Variants in THRAP3 observed in about 807,000 individuals in gnomAD.
The protein encoded by THRAP3 is thyroid hormone receptor-associated protein 3.
A neutral mutation model predicts 101.0 loss-of-function variants in THRAP3; 16 were observed. That is an observed-to-expected ratio of 0.16 (90% CI 0.11 to 0.24). THRAP3 has a LOEUF of 0.24. Ranked by LOEUF, THRAP3 falls within the 10% of genes least tolerant of loss-of-function variation. The pLI is 1.00. For missense variants in THRAP3, 989 were observed against 1,202.7 expected (o/e 0.82, Z 2.63); for synonymous variants, 407 against 422.6 (o/e 0.96, Z 0.45).
intron 1 of THRAP3, among the ~76,000 whole-genome samples, chr1:36,231,838 C>CT (rs1347271432): frequency 6.6e-6 from 1 of 152,144 alleles, no homozygotes; most frequent in African/African-American, 2.4e-5. Context: ...GCTTGAAAGA[C>CT]TATCGGCTAT....
At chr1:36,265,879 TGTG>T (rs1645507378) in intron 2 of THRAP3, among the ~76,000 whole-genome samples, 1 of 151,942 alleles carries the variant, frequency 6.6e-6, no homozygotes, top group Non-Finnish European at 1.5e-5. Context: ...ATGGTCCAGA[TGTG>T]GTGGCTCACA....
chr1:36,303,407 C>T (rs1646054937), intron 11 of THRAP3, among the ~76,000 whole-genome samples: 1 of 151,970 alleles, frequency 6.6e-6, no homozygotes, highest in African/African-American at 2.4e-5. Context: ...GCTTTAAGCA[C>T]GTTTGCAGAG....
chr1:36,222,858 G>A (rs1187369962), upstream of THRAP3, among the ~76,000 whole-genome samples: 3 of 152,066 alleles, frequency 2.0e-5, no homozygotes, highest in Admixed American at 6.5e-5. Context: ...GTTCAGCCCC[G>A]TGGCTCACGC....
At chr1:36,208,206 G>C in the THRAP3 span, among the ~76,000 whole-genome samples, 1 of 151,526 alleles carries the variant, frequency 6.6e-6, no homozygotes, top group Non-Finnish European at 1.5e-5. Flanking sequence ...CCTCCCCCAC[G>C]CTCTCTGAGC....
At chr1:36,257,771 A>T (rs1463658850) in intron 1 of THRAP3, among the ~76,000 whole-genome samples, 1 of 152,180 alleles carries the variant, frequency 6.6e-6, no homozygotes, top group African/African-American at 2.4e-5. Flanking sequence ...ATAAAATGGG[A>T]GATTTATGTG....
At chr1:36,302,577 G>A (rs779418675) in intron 11 of THRAP3, among the ~76,000 whole-genome samples, 10 of 152,264 alleles carry the variant, frequency 6.6e-5, no homozygotes, top group Non-Finnish European at 1.5e-4. Flanking sequence ...TGCCACCTGA[G>A]AGAGTATTGC....
At chr1:36,281,997 C>T (rs896647205) in intron 2 of THRAP3, among the ~76,000 whole-genome samples, 3 of 151,982 alleles carry the variant, frequency 2.0e-5, no homozygotes, top group Non-Finnish European at 2.9e-5. Context: ...TGCTTGAACC[C>T]GGGAGGCGGA....
intron 6 of THRAP3, among the ~76,000 whole-genome samples, chr1:36,292,256 C>CTGTT (rs1645881325): frequency 1.8e-5 from 1 of 54,530 alleles, no homozygotes; most frequent in African/African-American, 5.6e-5. Flanking sequence ...TAATGTGTTT[C>CTGTT]TTTGTTTCTT....
chr1:36,297,232 C>T (rs1365946624), intron 9 of THRAP3, among the ~76,000 whole-genome samples: 1 of 152,090 alleles, frequency 6.6e-6, no homozygotes, highest in Non-Finnish European at 1.5e-5. Context: ...ACAGACAGTT[C>T]CAAGAGAGGT....
intron 2 of THRAP3, among the ~76,000 whole-genome samples, chr1:36,268,846 C>G (rs375048707): frequency 2.0e-5 from 3 of 152,080 alleles, no homozygotes. Context: ...CTGCCTCAGC[C>G]TCCCGAGTAG....
chr1:36,270,160 G>C (rs1357697019), intron 2 of THRAP3, among the ~76,000 whole-genome samples: 1 of 152,166 alleles, frequency 6.6e-6, no homozygotes, highest in Non-Finnish European at 1.5e-5. Context: ...AGGCTGAGGA[G>C]GGAGGACTCC....
chr1:36,216,745 C>T, the THRAP3 span, among the ~76,000 whole-genome samples: 35 of 152,146 alleles, frequency 2.3e-4, no homozygotes, highest in East Asian at 6.6e-3. Context: ...CGCCACTGCA[C>T]TCCAGTCTGT....
At chr1:36,208,512 C>T in the THRAP3 span, among the ~76,000 whole-genome samples, 4 of 152,110 alleles carry the variant, frequency 2.6e-5, no homozygotes, top group Non-Finnish European at 4.4e-5. Flanking sequence ...CCCTCTGCCC[C>T]CCGGTGTAAA....
chr1:36,230,379 A>G (rs1460747793), intron 1 of THRAP3, among the ~76,000 whole-genome samples: 2 of 151,894 alleles, frequency 1.3e-5, no homozygotes, highest in Non-Finnish European at 1.5e-5. Context: ...CGGCCTCCCA[A>G]AGTGCTAGGA....
intron 1 of THRAP3, chr1:36,225,176 G>T (rs534554058): frequency 6.6e-6 from 1 of 152,314 alleles, no homozygotes; most frequent in Admixed American, 6.5e-5. Context: ...AAATCTTAGG[G>T]GTGGAGCATG....
In THRAP3 at chr1:36,293,843, A is replaced by C. The variant is rs1194933528; in HGVS notation, c.2031-8A>C. 4 of 1,610,520 alleles carry C rather than the reference A, an allele frequency of 2.5e-6. No homozygotes were observed. The highest frequency in any genetic ancestry group is 8.5e-7 in the Non-Finnish European group (1 of 1,177,220). ...GAATACTATATCGTTTTGTATTTTC[A>C]ATTTTAGGAGAATAGACATTTCCCC... On this transcript the variant is annotated splice_region_variant and splice_polypyrimidine_tract_variant and intron_variant, in intron 7 of 11. Transcript: ENST00000354618.
intron 10 of THRAP3, 122 bp from the exon 11 acceptor site, chr1:36,301,431 G>A: frequency 1.6e-6 from 2 of 1,258,838 alleles, no homozygotes; most frequent in Non-Finnish European, 2.2e-6. Context: ...CAGCTGACCA[G>A]CATATGACTG....
intron 1 of THRAP3, among the ~76,000 whole-genome samples, chr1:36,248,182 C>T (rs958434418): frequency 1.1e-4 from 16 of 152,008 alleles, no homozygotes; most frequent in African/African-American, 3.9e-4. Context: ...GCCCAGCCTC[C>T]TTCATCTTTT....
At chr1:36,297,542 G>A (rs369584166) in intron 9 of THRAP3, among the ~76,000 whole-genome samples, 1 of 150,062 alleles carries the variant, frequency 6.7e-6, no homozygotes, top group African/African-American at 2.5e-5. Flanking sequence ...TCCGCCTCGC[G>A]GGTTCAAGCA....
Sources: gnomAD v4.1 joint callset for allele counts (sites outside exome capture counted in the v4.1 genomes callset) on GRCh38, gnomAD v4.1.1 for gene constraint, MANE v1.5 for transcripts, NCBI Gene and HGNC (gene_info 2026-07-23, HGNC 2026-07-21) for gene names.